Variants in INPP5A observed in about 807,000 individuals in gnomAD.
INPP5A encodes the protein inositol polyphosphate-5-phosphatase A, also known as 43 kDa inositol polyphosphate 5-phophatase.
A neutral mutation model predicts 65.2 loss-of-function variants in INPP5A; 14 were observed. That is an observed-to-expected ratio of 0.21 (90% CI 0.14 to 0.34). The LOEUF is 0.34. INPP5A is among the 10% of genes least tolerant of loss of function. The pLI is 1.00. For missense variants in INPP5A, 431 were observed against 545.6 expected, an observed-to-expected ratio of 0.79 and a Z score of 2.09; for synonymous variants, 207 against 208.3, an observed-to-expected ratio of 0.99 and a Z score of 0.05.
intron 9 of INPP5A, among the ~76,000 whole-genome samples, chr10:132,747,573 C>T (rs1036142110): frequency 2.4e-4 from 37 of 152,348 alleles, no homozygotes; most frequent in African/African-American, 7.5e-4. Context: ...GGCCGGGCAC[C>T]GGCCCAGGGG....
chr10:132,722,460 C>T (rs939916512), intron 8 of INPP5A, among the ~76,000 whole-genome samples: 19 of 152,216 alleles, frequency 1.2e-4, no homozygotes, highest in Non-Finnish European at 2.1e-4. Context: ...CTGCCGATGA[C>T]GCTCTCCCGC....
intron 9 of INPP5A, among the ~76,000 whole-genome samples, chr10:132,738,654 A>G (rs1846220497): frequency 1.3e-5 from 2 of 152,304 alleles, no homozygotes; most frequent in South Asian, 4.1e-4. Context: ...CGCCACTCCC[A>G]TTCCATGCGC....
At position 132,663,423 on chromosome 10, in the gene INPP5A, G is replaced by A. The variant is rs1434944724; in HGVS notation, c.306+12918G>A. On this transcript the variant is annotated intron_variant, in intron 4 of 15. Coordinates refer to ENST00000368594, the MANE Select transcript of INPP5A (RefSeq NM_005539.5). This position sits in a 1 kb window ranked among gnomAD's most constrained non-coding sequence, Gnocchi z 4.5. ...GTTTATAGAGACTGGGTGTCACCGT[G>A]TTGCCCAGTCAGGTCTCCAACTCCT... Among the ~76,000 whole-genome samples, 1 of 152,130 alleles carries A rather than the reference G, an allele frequency of 6.6e-6. No homozygotes were observed. Among genetic ancestry groups the A allele is most frequent in the Non-Finnish European group, 1.5e-5 (1 of 68,034 alleles).
chr10:132,699,332 G>T (rs938884141), intron 6 of INPP5A, among the ~76,000 whole-genome samples: 1 of 146,588 alleles, frequency 6.8e-6, no homozygotes, highest in African/African-American at 2.5e-5. Context: ...ACCGACTCAG[G>T]GCCCTTTGTG....
chr10:132,645,693 C>G (rs937061230), intron 2 of INPP5A, among the ~76,000 whole-genome samples, 175 bp from the exon 3 acceptor site: 8 of 152,192 alleles, frequency 5.3e-5, no homozygotes, highest in African/African-American at 1.9e-4. Context: ...TAACTGGAAG[C>G]ACAAAGGCGA....
chr10:132,683,541 G>A (rs1262711577), intron 4 of INPP5A, among the ~76,000 whole-genome samples: 1 of 152,222 alleles, frequency 6.6e-6, no homozygotes, highest in Non-Finnish European at 1.5e-5. Context: ...AAATCCTCCT[G>A]CATAGTATGT....
At chr10:132,681,444 A>T (rs963944666) in intron 4 of INPP5A, among the ~76,000 whole-genome samples, 2 of 152,154 alleles carry the variant, frequency 1.3e-5, no homozygotes, top group African/African-American at 2.4e-5. Context: ...CGAACCCACC[A>T]GAAGGAAGAA....
At position 132,676,806 on chromosome 10, in the gene INPP5A, T is replaced by C. The variant is rs531547807; in HGVS notation, c.307-13586T>C. On this transcript the variant is annotated intron_variant, in intron 4 of 15. Coordinates refer to ENST00000368594, the MANE Select transcript of INPP5A (RefSeq NM_005539.5). The surrounding 1 kb of genome is among the most constrained non-coding windows in gnomAD (Gnocchi z 4.0). ...CTGCTGGCTCTCACCTGCTCCTGTC[T>C]CTCCACAGTAGTAGCCTCAGTCCAG... is the stretch of plus-strand genomic sequence containing the variant. Among the ~76,000 whole-genome samples, 5 of 152,168 alleles carry C rather than the reference T, an allele frequency of 3.3e-5. No homozygotes were observed. The highest frequency in any genetic ancestry group is 7.4e-5 in the Non-Finnish European group (5 of 68,024).
chr10:132,555,574 G>C lies in INPP5A; in HGVS notation c.75+17403G>C, dbSNP rs990206561. 6.6e-6 allele frequency among the ~76,000 whole-genome samples: 1 copy of C among 152,154 alleles called. No homozygotes were observed. The highest frequency in any genetic ancestry group is 1.5e-5 in the Non-Finnish European group (1 of 68,018). ...CTGGACAGTGGGGCCGTCCTGACTC[G>C]CCTCCTGAGAGCCGTGGGTCACAAA... On this transcript the variant is annotated intron_variant, in intron 1 of 15. Coordinates refer to ENST00000368594, the MANE Select transcript of INPP5A (RefSeq NM_005539.5). This position sits in a 1 kb window ranked among gnomAD's most constrained non-coding sequence, Gnocchi z 4.4.
intron 4 of INPP5A, among the ~76,000 whole-genome samples, chr10:132,681,083 T>A (rs2073037402): frequency 6.6e-6 from 1 of 152,214 alleles, no homozygotes; most frequent in South Asian, 2.1e-4. Context: ...GCAGCCCCAG[T>A]GCGGGATCCA....
Position 132,680,401 on chromosome 10 carries a change from T to G in INPP5A, c.307-9991T>G, listed in dbSNP as rs562624833. On this transcript the variant is annotated intron_variant, in intron 4 of 15. Transcript: ENST00000368594. ...GAGATGCAGATCCAAACTGCCATTT[T>G]CATTTGTCAGTTTAAAAGGACTTGC... Among the ~76,000 whole-genome samples the G allele has an allele frequency of 3.9e-5, 6 of 152,386 alleles. No homozygotes were observed. The South Asian group carries it at 1.2e-3, about 32-fold the overall frequency.
chr10:132,733,385 C>G (rs530685109), intron 9 of INPP5A, among the ~76,000 whole-genome samples: 1 of 152,336 alleles, frequency 6.6e-6, no homozygotes, highest in East Asian at 1.9e-4. Context: ...TTTGAAAGCC[C>G]TACCTAAAAA....
chr10:132,645,592 C>G (rs868543995), intron 2 of INPP5A, among the ~76,000 whole-genome samples: 5 of 152,168 alleles, frequency 3.3e-5, no homozygotes, highest in Middle Eastern at 3.2e-3. Context: ...GAAATAAGGC[C>G]TCTAGATGAT....
At chr10:132,728,422 C>T (rs927221364) in intron 9 of INPP5A, among the ~76,000 whole-genome samples, 3 of 152,248 alleles carry the variant, frequency 2.0e-5, no homozygotes, top group Non-Finnish European at 2.9e-5. Context: ...CATGTCCCCG[C>T]GTCCGAGGCT....
chr10:132,692,909 A>G (rs1845290770), intron 5 of INPP5A, among the ~76,000 whole-genome samples: 1 of 152,214 alleles, frequency 6.6e-6, no homozygotes, highest in Non-Finnish European at 1.5e-5. Flanking sequence ...TATTTTTCTT[A>G]CCCTTAATTG....
At chr10:132,729,597 C>T (rs1266665772) in intron 9 of INPP5A, among the ~76,000 whole-genome samples, 1 of 152,182 alleles carries the variant, frequency 6.6e-6, no homozygotes, top group East Asian at 1.9e-4. Flanking sequence ...CATGCTCGCC[C>T]CCACCTGTAC....
chr10:132,745,286 T>A (rs1229034330), intron 9 of INPP5A, among the ~76,000 whole-genome samples: 1 of 152,206 alleles, frequency 6.6e-6, no homozygotes, highest in Non-Finnish European at 1.5e-5. Context: ...GGGCTGGGGC[T>A]GTCCCTGTTG....
In INPP5A at chr10:132,651,195, C is replaced by T. The variant is rs192471898; in HGVS notation, c.306+690C>T. ...AACTTGCTGTTGGTTCAGAGACCCA[C>T]GTCTTAAATCCCGTCTTTATGCCCT... is the stretch of plus-strand genomic sequence containing the variant. On this transcript the variant is annotated intron_variant, in intron 4 of 15. Coordinates refer to ENST00000368594, the MANE Select transcript of INPP5A (RefSeq NM_005539.5). The surrounding 1 kb of genome is among the most constrained non-coding windows in gnomAD (Gnocchi z 5.0). Among the ~76,000 whole-genome samples the T allele has an allele frequency of 3.9e-5, 6 of 152,142 alleles. No homozygotes were observed. Among genetic ancestry groups the T allele is most frequent in the East Asian group, 3.9e-4 (2 of 5,176 alleles).
chr10:132,614,590 C>T (rs1341756250), intron 2 of INPP5A, among the ~76,000 whole-genome samples: 1 of 152,264 alleles, frequency 6.6e-6, no homozygotes, highest in Admixed American at 6.5e-5. Context: ...ACAGACTCAT[C>T]ACCAGGGGTT....
Sources: gnomAD v4.1 joint callset for allele counts (sites outside exome capture counted in the v4.1 genomes callset) on GRCh38, gnomAD v4.1.1 for gene constraint, Gnocchi (gnomAD v3.1) non-coding constraint, MANE v1.5 for transcripts, NCBI Gene and HGNC (gene_info 2026-07-23, HGNC 2026-07-21) for gene names.